The following PTPRT variants were observed in gnomAD, a reference collection of about 807,000 sequenced individuals.
The protein encoded by PTPRT is protein tyrosine phosphatase receptor type T.
Under a neutral mutation model 176.8 loss-of-function variants are expected in PTPRT, and 56 were observed. The ratio of observed to expected loss-of-function variants is 0.32; its 90% confidence interval spans 0.26 to 0.40. The LOEUF is 0.40. Ranked by LOEUF, PTPRT falls within the 10% of genes least tolerant of loss-of-function variation. The probability of loss-of-function intolerance (pLI) is 1.00; values close to 1 mark genes in which losing one functional copy is unlikely to be tolerated. For missense variants in PTPRT, 1,540 were observed against 1,908.2 expected (o/e 0.81, Z 3.60); for synonymous variants, 783 against 739.0 (o/e 1.06, Z -0.96).
At chr20:42,126,033 G>A (rs193228518) in intron 19 of PTPRT, among the ~76,000 whole-genome samples, 4 of 148,964 alleles carry the variant, frequency 2.7e-5, no homozygotes, top group Non-Finnish European at 4.4e-5. Flanking sequence ...AGTGGGGGGG[G>A]GGAGGGGAAG....
At chr20:42,340,400 A>C (rs1011508580) in intron 11 of PTPRT, among the ~76,000 whole-genome samples, 4 of 152,210 alleles carry the variant, frequency 2.6e-5, no homozygotes, top group African/African-American at 9.6e-5. Context: ...AGCTGTAGCC[A>C]GGTAAGAAAA....
Position 42,315,744 on chromosome 20 carries a change from C to T in PTPRT, c.2118G>A (p.Gln706=). 6.2e-7 allele frequency: 1 copy of T among 1,614,040 alleles called. No homozygotes were observed. Among genetic ancestry groups the T allele is most frequent in the Non-Finnish European group, 8.5e-7 (1 of 1,179,994 alleles). The change falls in exon 12 of 31, where the codon CAG becomes CAA. Residue 706 remains glutamine (Q), a synonymous_variant. Coordinates refer to ENST00000373187, the MANE Select transcript of PTPRT (RefSeq NM_007050.6). ...SPLKSYSIYF[Q]ALSKANGETK... ...TTACTCCATTGGCTTTGCTGAGTGC[C>T]TGGAAGTAGATGCTGTAGCTTTTCA...
chr20:42,460,190 A>G (rs902517602), intron 8 of PTPRT, among the ~76,000 whole-genome samples: 1 of 152,204 alleles, frequency 6.6e-6, no homozygotes, highest in African/African-American at 2.4e-5. Flanking sequence ...GGAGGTATCA[A>G]TTGGGAAAAT....
At chr20:42,911,956 A>C (rs1459796383) in intron 1 of PTPRT, among the ~76,000 whole-genome samples, 14 of 147,742 alleles carry the variant, frequency 9.5e-5, no homozygotes, top group Non-Finnish European at 1.5e-4. Context: ...CTGTTAATTT[A>C]CTAACCCAAA....
chr20:42,695,441 T>C (rs892568527), intron 6 of PTPRT, among the ~76,000 whole-genome samples: 22 of 152,246 alleles, frequency 1.4e-4, no homozygotes, highest in African/African-American at 5.3e-4. Flanking sequence ...ATAACAGATA[T>C]GCTGAAAAAT....
At chr20:42,986,190 T>C (rs1049843402) in intron 1 of PTPRT, among the ~76,000 whole-genome samples, 7 of 152,216 alleles carry the variant, frequency 4.6e-5, no homozygotes, top group Non-Finnish European at 1.0e-4. Flanking sequence ...GTACACACAC[T>C]ACCTTCCTAA....
chr20:42,633,878 TTATAA>T (rs1229748924), intron 7 of PTPRT, among the ~76,000 whole-genome samples: 13 of 81,102 alleles, frequency 1.6e-4, no homozygotes, highest in African/African-American at 4.2e-4. Flanking sequence ...CTATAATATA[TTATAA>T]TATAATTATT....
chr20:42,955,115 C>T (rs1023186366), intron 1 of PTPRT, among the ~76,000 whole-genome samples: 1 of 152,120 alleles, frequency 6.6e-6, no homozygotes, highest in African/African-American at 2.4e-5. Context: ...ACACACGTTG[C>T]CATAGCAATA....
Position 42,428,088 on chromosome 20 carries a change from G to A in PTPRT, c.1560+20132C>T, listed in dbSNP as rs967243701. On this transcript the variant is annotated intron_variant, in intron 9 of 30. Transcript: ENST00000373187. The stretch of plus-strand genomic sequence containing the variant: ...AGCCTGTTTGGTGGTCTCCTCACAC[G>A]GACGCACATGAAAACCACTACATTG... 3.9e-5 allele frequency among the ~76,000 whole-genome samples: 6 copies of A among 152,112 alleles called. No homozygotes were observed. The South Asian group carries it at 6.2e-4, about 16-fold the overall frequency.
At chr20:42,712,581 T>A (rs1419802348) in intron 6 of PTPRT, among the ~76,000 whole-genome samples, 3 of 152,170 alleles carry the variant, frequency 2.0e-5, no homozygotes, top group Non-Finnish European at 4.4e-5. Flanking sequence ...GTTCTATCTC[T>A]GAGCCCTGGA....
intron 1 of PTPRT, among the ~76,000 whole-genome samples, chr20:42,989,151 C>T (rs935144860): frequency 1.3e-5 from 2 of 152,238 alleles, no homozygotes; most frequent in Non-Finnish European, 2.9e-5. Flanking sequence ...TATCTCTTTG[C>T]TCCAAGTTAT....
intron 6 of PTPRT, among the ~76,000 whole-genome samples, chr20:42,713,382 A>C (rs2076175141): frequency 2.0e-5 from 3 of 152,166 alleles, no homozygotes; most frequent in Admixed American, 2.0e-4. Context: ...AATTCCCAAA[A>C]GCACATTCTG....
At chr20:42,396,709 C>T (rs2145688870) in intron 9 of PTPRT, among the ~76,000 whole-genome samples, 1 of 152,184 alleles carries the variant, frequency 6.6e-6, no homozygotes, top group South Asian at 2.1e-4. Context: ...TTACAGGCAC[C>T]CAACACCATG....
intron 1 of PTPRT, among the ~76,000 whole-genome samples, chr20:43,054,408 G>T (rs1987155642): frequency 6.6e-6 from 1 of 152,040 alleles, no homozygotes; most frequent in Admixed American, 6.5e-5. Flanking sequence ...ACAAAAATTA[G>T]CCAGGCATGG....
intron 1 of PTPRT, among the ~76,000 whole-genome samples, chr20:42,897,333 T>C (rs1455519762): frequency 6.6e-6 from 1 of 152,336 alleles, no homozygotes; most frequent in African/African-American, 2.4e-5. Flanking sequence ...TGAGACTTTG[T>C]GCAGCAACTC....
At chr20:42,080,986 TGAAAAAG>T (rs1394394867) in intron 30 of PTPRT, 54 bp from the exon 31 acceptor site, 162 of 1,434,372 alleles carry the variant, frequency 1.1e-4, no homozygotes, top group Non-Finnish European at 2.2e-5. Context: ...ACGAGAGAGA[TGAAAAAG>T]GAAAGGGAAA....
intron 1 of PTPRT, among the ~76,000 whole-genome samples, chr20:42,892,542 T>C (rs966908435): frequency 2.0e-5 from 3 of 152,120 alleles, no homozygotes; most frequent in South Asian, 2.1e-4. Context: ...AAATTGCCTT[T>C]ACTTGCCCTC....
chr20:42,320,388 C>G (rs1396900869), intron 11 of PTPRT, among the ~76,000 whole-genome samples: 3 of 152,172 alleles, frequency 2.0e-5, no homozygotes, highest in African/African-American at 4.8e-5. Flanking sequence ...CCATCAGTAA[C>G]AGTTCCTGTG....
chr20:42,666,632 T>G (rs1192122974), intron 7 of PTPRT, among the ~76,000 whole-genome samples: 1 of 152,208 alleles, frequency 6.6e-6, no homozygotes, highest in Non-Finnish European at 1.5e-5. Flanking sequence ...CCTCACAATA[T>G]TAAATTTGCT....
Sources: gnomAD v4.1 joint callset for allele counts (sites outside exome capture counted in the v4.1 genomes callset) on GRCh38, gnomAD v4.1.1 for gene constraint, MANE v1.5 for transcripts, NCBI Gene and HGNC (gene_info 2026-07-23, HGNC 2026-07-21) for gene names.